FGD4: variants seen among roughly 807,000 people sequenced by gnomAD.
FGD4 encodes the protein FYVE, RhoGEF and PH domain-containing protein 4.
Under a neutral mutation model 102.0 loss-of-function variants are expected in FGD4, and 42 were observed. The observed-to-expected ratio is 0.41, with a 90% CI of 0.32 to 0.53. The LOEUF is 0.53. Ranked by LOEUF, FGD4 falls within the 20% of genes least tolerant of loss-of-function variation. The pLI is 0.21. For missense variants in FGD4, 902 were observed against 1,078.2 expected, an observed-to-expected ratio of 0.84 and a Z score of 2.29; for synonymous variants, 380 against 375.7, an observed-to-expected ratio of 1.01 and a Z score of -0.13.
chr12:32,513,152 G>A (rs574716320), intron 1 of FGD4, among the ~76,000 whole-genome samples: 1 of 152,256 alleles, frequency 6.6e-6, no homozygotes, highest in Admixed American at 6.5e-5. Flanking sequence ...AGAGAAGGGA[G>A]GACTCATGGC....
chr12:32,583,209 C>T (rs141220812), intron 4 of FGD4, among the ~76,000 whole-genome samples: 1 of 152,188 alleles, frequency 6.6e-6, no homozygotes, highest in African/African-American at 2.4e-5. Context: ...TGGTAGTTTG[C>T]ACCTGTGGTC....
chr12:32,565,501 C>T (rs1435705592), intron 2 of FGD4, among the ~76,000 whole-genome samples: 6 of 152,048 alleles, frequency 3.9e-5, no homozygotes, highest in Non-Finnish European at 2.9e-5. Context: ...CCATTAGACC[C>T]GAGTTGACAA....
chr12:32,577,360 G>C (rs1033731451), intron 3 of FGD4, among the ~76,000 whole-genome samples: 1 of 152,106 alleles, frequency 6.6e-6, no homozygotes, highest in African/African-American at 2.4e-5. Flanking sequence ...TAATATTTGG[G>C]ACTTGTTAAC....
At chr12:32,571,454 CAAAAAAA>C (rs567887606) in intron 2 of FGD4, among the ~76,000 whole-genome samples, 1 of 118,120 alleles carries the variant, frequency 8.5e-6, no homozygotes, top group African/African-American at 3.2e-5. Context: ...GATTCTGTCT[CAAAAAAA>C]AAAAAGAAAA....
intron 4 of FGD4, among the ~76,000 whole-genome samples, chr12:32,597,826 G>A (rs1177615934): frequency 6.6e-6 from 1 of 152,228 alleles, no homozygotes; most frequent in Non-Finnish European, 1.5e-5. Flanking sequence ...GAATCTCATT[G>A]ATGGGCATGT....
chr12:32,451,582 T>A (rs923557090), intron 1 of FGD4, among the ~76,000 whole-genome samples: 1 of 152,012 alleles, frequency 6.6e-6, no homozygotes, highest in Non-Finnish European at 1.5e-5. Context: ...GGTCTTTTTT[T>A]TCTTTGAAAA....
At chr12:32,482,090 A>C (rs1943783010) in intron 1 of FGD4, among the ~76,000 whole-genome samples, 1 of 152,232 alleles carries the variant, frequency 6.6e-6, no homozygotes, top group Non-Finnish European at 1.5e-5. Context: ...AGTAAAATTA[A>C]ATAGAATGGA....
At chr12:32,609,338 A>T (rs755483979) in intron 8 of FGD4, among the ~76,000 whole-genome samples, 50 of 151,834 alleles carry the variant, frequency 3.3e-4, no homozygotes, top group Non-Finnish European at 3.5e-4. Flanking sequence ...CCCTGTCTCC[A>T]TTTTCCATCC....
intron 1 of FGD4, among the ~76,000 whole-genome samples, chr12:32,495,780 C>T (rs1937776869): frequency 6.6e-6 from 1 of 151,886 alleles, no homozygotes; most frequent in African/African-American, 2.4e-5. Flanking sequence ...TGATCTCACC[C>T]GCCTTGCATA....
intron 10 of FGD4, 81 bp from the exon 11 acceptor site, chr12:32,619,616 AG>A (rs1336983174): frequency 1.4e-6 from 2 of 1,471,300 alleles, no homozygotes; most frequent in African/African-American, 2.8e-5. Flanking sequence ...TGGGCAACAG[AG>A]TGAGACTCTG....
chr12:32,603,252 A>G (rs1487564858), intron 7 of FGD4, among the ~76,000 whole-genome samples: 1 of 152,222 alleles, frequency 6.6e-6, no homozygotes. Context: ...AGTTTCTTTC[A>G]GCATACATGG....
At chr12:32,476,123 A>G (rs1231310139) in intron 1 of FGD4, among the ~76,000 whole-genome samples, 2 of 151,974 alleles carry the variant, frequency 1.3e-5, no homozygotes, top group East Asian at 3.9e-4. Flanking sequence ...GCTTTTTCTT[A>G]GGTCTCCATT....
intron 1 of FGD4, among the ~76,000 whole-genome samples, chr12:32,537,311 A>G (rs1031910579): frequency 7.2e-5 from 11 of 152,196 alleles, no homozygotes; most frequent in Non-Finnish European, 1.5e-4. Flanking sequence ...TTCAAGATAT[A>G]TCAAACTGAC....
At chr12:32,480,130 CCAA>C (rs1943691627) in intron 1 of FGD4, among the ~76,000 whole-genome samples, 1 of 151,106 alleles carries the variant, frequency 6.6e-6, no homozygotes, top group Admixed American at 6.6e-5. Flanking sequence ...CTTATTTGCC[CCAA>C]ATGGATATGT....
At chr12:32,490,353 GA>G (rs938049894) in intron 1 of FGD4, among the ~76,000 whole-genome samples, 22 of 149,590 alleles carry the variant, frequency 1.5e-4, no homozygotes, top group African/African-American at 5.4e-4. Context: ...AGCATAGTGA[GA>G]TAAAATAGAA....
At chr12:32,424,318 T>C (rs755318248) in intron 1 of FGD4, among the ~76,000 whole-genome samples, 1 of 150,158 alleles carries the variant, frequency 6.7e-6, no homozygotes. Flanking sequence ...GAACATGCGG[T>C]GTTTGGTTTT....
At chr12:32,567,418 C>T (rs769093031) in intron 2 of FGD4, among the ~76,000 whole-genome samples, 2 of 152,058 alleles carry the variant, frequency 1.3e-5, no homozygotes, top group Admixed American at 6.6e-5. Context: ...CATATCCTCC[C>T]CCGACAATAG....
At chr12:32,517,197 T>G (rs1209606712) in intron 1 of FGD4, among the ~76,000 whole-genome samples, 1 of 152,224 alleles carries the variant, frequency 6.6e-6, no homozygotes, top group South Asian at 2.1e-4. Context: ...TGGCATTACA[T>G]TCATCTTTAT....
intron 4 of FGD4, among the ~76,000 whole-genome samples, chr12:32,597,144 CAA>C (rs1947974199): frequency 6.6e-6 from 1 of 152,080 alleles, no homozygotes; most frequent in African/African-American, 2.4e-5. Flanking sequence ...TCATTCTTGA[CAA>C]TGCTTTATAA....
Sources: gnomAD v4.1 joint callset for allele counts (sites outside exome capture counted in the v4.1 genomes callset) on GRCh38, gnomAD v4.1.1 for gene constraint, MANE v1.5 for transcripts, NCBI Gene and HGNC (gene_info 2026-07-23, HGNC 2026-07-21) for gene names.